The following JAZF1 variants were observed in gnomAD, a reference collection of about 807,000 sequenced individuals.
JAZF1 encodes juxtaposed with another zinc finger protein 1.
Under a neutral mutation model 26.4 loss-of-function variants are expected in JAZF1, and 8 were observed. The ratio of observed to expected loss-of-function variants is 0.30; its 90% CI spans 0.18 to 0.55. The LOEUF (loss-of-function observed/expected upper bound fraction) is 0.55, where lower values mean the gene tolerates loss of function less well. JAZF1 is among the 20% of genes least tolerant of loss of function. JAZF1 has a pLI of 0.94. For missense variants in JAZF1, 199 were observed against 322.0 expected (o/e 0.62, Z 2.92); for synonymous variants, 126 against 122.3 (o/e 1.03, Z -0.20).
At chr7:27,945,833 T>C (rs1454545013) in intron 2 of JAZF1, among the ~76,000 whole-genome samples, 1 of 152,216 alleles carries the variant, frequency 6.6e-6, no homozygotes, top group Non-Finnish European at 1.5e-5. Flanking sequence ...TTGACAACCA[T>C]GGCTGCCTTC....
chr7:28,037,894 T>A (rs1241226087), intron 1 of JAZF1, among the ~76,000 whole-genome samples: 1 of 152,172 alleles, frequency 6.6e-6, no homozygotes, highest in Non-Finnish European at 1.5e-5. Context: ...AGGTAATATG[T>A]CTCCTCATAA....
intron 1 of JAZF1, among the ~76,000 whole-genome samples, chr7:28,089,334 AG>A (rs1341632557): frequency 6.6e-6 from 1 of 152,198 alleles, no homozygotes; most frequent in African/African-American, 2.4e-5. Context: ...TCTGCAAACC[AG>A]GAAGAGGGCC....
chr7:27,856,431 T>A (rs1184523873), intron 3 of JAZF1, among the ~76,000 whole-genome samples: 3 of 152,198 alleles, frequency 2.0e-5, no homozygotes, highest in Admixed American at 6.5e-5. Context: ...GAACAAAGTT[T>A]CCACACTGTG....
chr7:28,046,952 C>T (rs1484744709), intron 1 of JAZF1, among the ~76,000 whole-genome samples: 1 of 152,130 alleles, frequency 6.6e-6, no homozygotes, highest in Non-Finnish European at 1.5e-5. Context: ...TGGTCTCTTT[C>T]ACCATAATTT....
intron 1 of JAZF1, among the ~76,000 whole-genome samples, chr7:28,116,872 G>A (rs1448353535): frequency 1.3e-5 from 2 of 151,744 alleles, no homozygotes; most frequent in Non-Finnish European, 2.9e-5. Context: ...TGCCCAAGCT[G>A]GAATGCAGTG....
chr7:28,079,197 T>TGGGC (rs1006772881), intron 1 of JAZF1, among the ~76,000 whole-genome samples: 1 of 152,114 alleles, frequency 6.6e-6, no homozygotes, highest in Non-Finnish European at 1.5e-5. Context: ...TTCACCAAGT[T>TGGGC]GGGCAGGCTG....
At chr7:28,067,229 T>G (rs907948640) in intron 1 of JAZF1, among the ~76,000 whole-genome samples, 6 of 152,314 alleles carry the variant, frequency 3.9e-5, no homozygotes, top group Non-Finnish European at 5.9e-5. Context: ...TTAAGGTAAC[T>G]ATTATCCTCA....
intron 1 of JAZF1, among the ~76,000 whole-genome samples, chr7:28,120,501 C>CTTTGTTTT (rs1782582417): frequency 1.7e-5 from 1 of 59,004 alleles, no homozygotes; most frequent in Non-Finnish European, 2.8e-5. Flanking sequence ...ACACACAGTT[C>CTTTGTTTT]TTTTTTTTTT....
intron 1 of JAZF1, among the ~76,000 whole-genome samples, chr7:28,135,643 A>T (rs1782871372): frequency 1.3e-5 from 2 of 152,234 alleles, no homozygotes; most frequent in Non-Finnish European, 2.9e-5. Context: ...GAAGTTTTCA[A>T]GGGCAAAAGA....
chr7:27,847,535 A>T (rs1783053478), intron 3 of JAZF1, among the ~76,000 whole-genome samples: 1 of 152,138 alleles, frequency 6.6e-6, no homozygotes, highest in Admixed American at 6.5e-5. Context: ...TACTGAAGAG[A>T]CTATCCTTTC....
chr7:27,854,538 T>G (rs7797888), intron 3 of JAZF1, among the ~76,000 whole-genome samples: 1 of 152,148 alleles, frequency 6.6e-6, no homozygotes, highest in Non-Finnish European at 1.5e-5. Flanking sequence ...AGTGCTTCCT[T>G]CAAGAGCTCT....
rs182638727 is a variant in JAZF1 at position 27,856,388 on chromosome 7, G to C, written c.386-15521C>G. 1.1e-3 allele frequency among the ~76,000 whole-genome samples: 166 copies of C among 152,308 alleles called. 1 individual carries two copies. In the East Asian group the frequency reaches 0.023, roughly 21 times the overall value. On this transcript the variant is annotated intron_variant, in intron 3 of 4. Transcript: ENST00000283928. ...TAAAGGCAGTGTGGACCCAAAGAGT[G>C]AGCAGCAGCAAGAGTTATTGCAAAG...
chr7:28,152,264 C>T (rs1002004349), intron 1 of JAZF1, among the ~76,000 whole-genome samples: 2 of 152,170 alleles, frequency 1.3e-5, no homozygotes, highest in African/African-American at 4.8e-5. Context: ...TTGCTCTATA[C>T]GATTTTCCCA....
intron 1 of JAZF1, among the ~76,000 whole-genome samples, chr7:28,179,974 G>C (rs1025951304): frequency 3.4e-5 from 4 of 119,236 alleles, no homozygotes; most frequent in African/African-American, 9.3e-5. Flanking sequence ...AGCTCGAGCC[G>C]GGGCGGAAGC....
At chr7:28,034,856 T>C (rs1182254302) in intron 1 of JAZF1, among the ~76,000 whole-genome samples, 2 of 152,188 alleles carry the variant, frequency 1.3e-5, no homozygotes, top group African/African-American at 4.8e-5. Flanking sequence ...AATTTGCTAT[T>C]GAGTAAAAGG....
At chr7:27,925,239 C>T (rs1276570485) in intron 2 of JAZF1, among the ~76,000 whole-genome samples, 2 of 152,104 alleles carry the variant, frequency 1.3e-5, no homozygotes, top group Non-Finnish European at 2.9e-5. Flanking sequence ...AACCACACAG[C>T]AAAAACTTAC....
intron 2 of JAZF1, among the ~76,000 whole-genome samples, chr7:27,898,312 T>G (rs1253797486): frequency 2.3e-4 from 3 of 12,848 alleles, no homozygotes; most frequent in Non-Finnish European, 4.2e-4. Context: ...TATACATCGG[T>G]TTTTTTTTTT....
chr7:27,993,634 T>TCTGA (rs1330801548), intron 1 of JAZF1, among the ~76,000 whole-genome samples: 3 of 152,178 alleles, frequency 2.0e-5, no homozygotes, highest in Non-Finnish European at 4.4e-5. Flanking sequence ...GACATGCTAA[T>TCTGA]CCTACAGGGT....
intron 1 of JAZF1, among the ~76,000 whole-genome samples, chr7:28,050,657 C>G (rs1783597055): frequency 6.6e-6 from 1 of 152,052 alleles, no homozygotes; most frequent in Non-Finnish European, 1.5e-5. Context: ...GTGGCTTAGT[C>G]TCTGTCAGTT....
Sources: gnomAD v4.1 joint callset for allele counts (sites outside exome capture counted in the v4.1 genomes callset) on GRCh38, gnomAD v4.1.1 for gene constraint, MANE v1.5 for transcripts, NCBI Gene and HGNC (gene_info 2026-07-23, HGNC 2026-07-21) for gene names.